The following NCALD variants were observed in gnomAD, a reference collection of about 807,000 sequenced individuals.
The protein encoded by NCALD is neurocalcin-delta.
A neutral mutation model predicts 18.6 loss-of-function variants in NCALD; 10 were observed. The ratio of observed to expected loss-of-function variants is 0.54; its 90% CI spans 0.33 to 0.91. The LOEUF is 0.91. Ranked by LOEUF, NCALD falls within the 40% of genes least tolerant of loss-of-function variation. The pLI, the probability that NCALD is intolerant of heterozygous loss-of-function variation, is 0.03. For missense variants in NCALD, 184 were observed against 247.6 expected, an observed-to-expected ratio of 0.74 and a Z score of 1.72; for synonymous variants, 88 against 87.4, an observed-to-expected ratio of 1.01 and a Z score of -0.04.
chr8:101,919,038 T>C (rs1011944203), intron 2 of NCALD, among the ~76,000 whole-genome samples: 2 of 152,114 alleles, frequency 1.3e-5, no homozygotes, highest in Non-Finnish European at 1.5e-5. Flanking sequence ...ATTCTAAAAT[T>C]TATATAGAAC....
chr8:101,957,797 A>T (rs1819692242), intron 2 of NCALD, among the ~76,000 whole-genome samples: 1 of 152,144 alleles, frequency 6.6e-6, no homozygotes, highest in Admixed American at 6.6e-5. Context: ...TGTAATGCAG[A>T]TCTCCTAAGA....
At chr8:102,053,465 C>T (rs1346589378) in intron 1 of NCALD, among the ~76,000 whole-genome samples, 2 of 152,152 alleles carry the variant, frequency 1.3e-5, no homozygotes, top group African/African-American at 4.8e-5. Context: ...TACCATACAT[C>T]AGGCACTGGA....
rs556025362 is a variant in NCALD at position 102,066,570 on chromosome 8, C to T, written c.-209-46281G>A. Among the ~76,000 whole-genome samples the T allele has an allele frequency of 5.8e-4, 88 of 152,264 alleles. 1 individual carries two copies. The South Asian group carries it at 9.1e-3, about 16-fold the overall frequency. On this transcript the variant is annotated intron_variant, in intron 1 of 6. Coordinates refer to the NCALD transcript ENST00000311028. ...CTATTTAGTGACCATTGTGATGTAGCTTTAAAAGAATACAACTTGTGAAAT... is the reference window on the plus strand; with the variant it reads ...CTATTTAGTGACCATTGTGATGTAGTTTTAAAAGAATACAACTTGTGAAAT...
At chr8:101,770,644 A>G (rs1363075600) in intron 1 of NCALD, among the ~76,000 whole-genome samples, 1 of 152,198 alleles carries the variant, frequency 6.6e-6, no homozygotes, top group East Asian at 1.9e-4. Flanking sequence ...TGGGACAAGC[A>G]GGACTCCTGA....
At chr8:101,998,168 G>T (rs930027856) in intron 2 of NCALD, among the ~76,000 whole-genome samples, 1 of 152,010 alleles carries the variant, frequency 6.6e-6, no homozygotes. Context: ...AGGCAAACAG[G>T]GTCTTTATGC....
intron 1 of NCALD, among the ~76,000 whole-genome samples, chr8:102,094,163 C>G (rs961867894): frequency 5.3e-5 from 8 of 152,190 alleles, no homozygotes; most frequent in African/African-American, 1.7e-4. Context: ...GATGTTCAGA[C>G]TGGCTAATAA....
Position 101,810,466 on chromosome 8 carries a change from T to G in NCALD, c.-20+76675A>C, listed in dbSNP as rs148083378. Among the ~76,000 whole-genome samples the G allele has an allele frequency of 2.2e-3, 332 of 152,298 alleles. 4 individuals carry two copies. Among genetic ancestry groups the G allele is most frequent in the African/African-American group, 7.6e-3 (317 of 41,568 alleles). ...TAAGTTATGCTTTCTAAAAAATGGA[T>G]CTGCTAGAAATGTGATTTTTCTGCT... On this transcript the variant is annotated intron_variant, in intron 4 of 6. Coordinates refer to the NCALD transcript ENST00000311028.
intron 4 of NCALD, among the ~76,000 whole-genome samples, chr8:101,844,920 T>C (rs570384580): frequency 6.6e-6 from 1 of 152,350 alleles, no homozygotes; most frequent in East Asian, 1.9e-4. Context: ...ATACTGCCAT[T>C]TGATGTCAAC....
intron 1 of NCALD, among the ~76,000 whole-genome samples, chr8:102,074,077 T>C (rs1212149843): frequency 6.6e-6 from 1 of 152,226 alleles, no homozygotes; most frequent in African/African-American, 2.4e-5. Flanking sequence ...CCCACTGTGC[T>C]GATTCACCCA....
chr8:101,959,995 C>A (rs897260383), intron 2 of NCALD, among the ~76,000 whole-genome samples: 2 of 152,118 alleles, frequency 1.3e-5, no homozygotes, highest in Non-Finnish European at 2.9e-5. Context: ...TTCCACAATA[C>A]CTAGGCTGAG....
chr8:101,767,142 C>T (rs1039071728), intron 1 of NCALD, among the ~76,000 whole-genome samples: 1 of 152,152 alleles, frequency 6.6e-6, no homozygotes, highest in African/African-American at 2.4e-5. Flanking sequence ...CTTACAATCT[C>T]TGTAAGTTTG....
intron 2 of NCALD, among the ~76,000 whole-genome samples, chr8:101,715,016 A>AT (rs1816006892): frequency 6.6e-6 from 1 of 151,128 alleles, no homozygotes; most frequent in Non-Finnish European, 1.5e-5. Context: ...AAAAAAAAAA[A>AT]GAACAAAGCT....
chr8:101,830,285 G>A (rs1248463091), intron 4 of NCALD, among the ~76,000 whole-genome samples: 1 of 152,166 alleles, frequency 6.6e-6, no homozygotes, highest in African/African-American at 2.4e-5. Flanking sequence ...TTTGGGCCAG[G>A]CATGGTGGCT....
chr8:101,712,998 A>G (rs1470890274), intron 2 of NCALD, among the ~76,000 whole-genome samples: 3 of 152,196 alleles, frequency 2.0e-5, no homozygotes, highest in Admixed American at 2.0e-4. Context: ...ACCACATCAC[A>G]CTTATTCTAA....
intron 1 of NCALD, among the ~76,000 whole-genome samples, chr8:102,040,927 G>A (rs1204204601): frequency 6.6e-6 from 1 of 151,984 alleles, no homozygotes; most frequent in Admixed American, 6.6e-5. Flanking sequence ...TGGTTTCTGG[G>A]CGCTGATGTG....
intron 3 of NCALD, among the ~76,000 whole-genome samples, chr8:101,890,884 G>C (rs946617245): frequency 3.9e-5 from 6 of 152,142 alleles, no homozygotes; most frequent in Non-Finnish European, 7.4e-5. Context: ...CAAAAAGCTA[G>C]ATTTAACACA....
intron 2 of NCALD, among the ~76,000 whole-genome samples, chr8:101,964,837 A>G (rs1819963265): frequency 6.6e-6 from 1 of 152,178 alleles, no homozygotes; most frequent in Admixed American, 6.6e-5. Context: ...TTTCATAAAA[A>G]CAGAAAATGT....
At chr8:101,741,959 G>GA (rs3028654) in intron 1 of NCALD, among the ~76,000 whole-genome samples, 3,949 of 121,678 alleles carry the variant, frequency 0.032, 108 homozygotes, top group Non-Finnish European at 0.05. Context: ...AAAAAGAAAA[G>GA]AAAAAAAAAA....
At chr8:101,974,299 T>C (rs1391740528) in intron 2 of NCALD, among the ~76,000 whole-genome samples, 1 of 152,226 alleles carries the variant, frequency 6.6e-6, no homozygotes, top group African/African-American at 2.4e-5. Flanking sequence ...TTAAATTTTA[T>C]GATCTTTGAT....
Sources: allele counts gnomAD v4.1 joint callset (sites outside exome capture counted in the v4.1 genomes callset), GRCh38; gene constraint gnomAD v4.1.1; transcripts MANE v1.5; gene names NCBI Gene and HGNC (gene_info 2026-07-23, HGNC 2026-07-21).